Variants in REEP2 observed in about 807,000 individuals in gnomAD.
REEP2 encodes receptor expression-enhancing protein 2.
REEP2 carries 9 observed loss-of-function variants against 32.1 expected under a neutral mutation model. The observed-to-expected ratio is 0.28, with a 90% CI of 0.17 to 0.49. REEP2 has a LOEUF of 0.49. Ranked by LOEUF, REEP2 falls within the 20% of genes least tolerant of loss-of-function variation. The pLI, the probability that REEP2 is intolerant of heterozygous loss-of-function variation, is 0.99. For synonymous variants in REEP2, 128 were observed against 139.1 expected, an observed-to-expected ratio of 0.92 and a Z score of 0.56; for missense variants, 236 against 338.0, an observed-to-expected ratio of 0.70 and a Z score of 2.37.
chr5:138,441,242 C>T lies in REEP2; in HGVS notation c.106-143C>T, dbSNP rs2269947. ...GGAGGGCCCTGGGTGTCCCACACAG[C>T]GCCTCCAACATGGCTGGCAGGCAGA... On this transcript the variant is annotated intron_variant, in intron 2 of 7. Transcript: ENST00000378339. This position sits in a 1 kb window ranked among gnomAD's most constrained non-coding sequence, Gnocchi z 4.4. 477,912 of 1,256,162 alleles carry T rather than the reference C, an allele frequency of 0.38. 95,691 individuals carry two copies. The highest frequency in any genetic ancestry group is 0.55 in the South Asian group (43,687 of 79,746). The allele number at this position is 1,256,162 out of a possible 1,614,324, so 77.8% of individuals were successfully genotyped here.
intron 4 of REEP2, 93 bp from the exon 5 acceptor site, chr5:138,444,661 G>T: frequency 6.4e-7 from 1 of 1,559,180 alleles, no homozygotes; most frequent in Non-Finnish European, 8.8e-7. Flanking sequence ...CAGGGCTGCC[G>T]TGGCCTCCCG....
At chr5:138,440,529 C>T (rs188688285) in intron 1 of REEP2, among the ~76,000 whole-genome samples, 1 of 152,268 alleles carries the variant, frequency 6.6e-6, no homozygotes, top group East Asian at 1.9e-4. Context: ...GCCCTCTGTT[C>T]CCTAGGGCCC....
chr5:138,445,065 CA>C (rs1274789156), intron 5 of REEP2, 162 bp from the exon 6 acceptor site: 5 of 887,836 alleles, frequency 5.6e-6, no homozygotes. Context: ...TCCCCAGAGG[CA>C]AAGTGTGGCC....
chr5:138,445,864 C>A lies in REEP2; in HGVS notation c.*113C>A. 2.9e-6 allele frequency: 3 copies of A among 1,019,448 alleles called. No individual in the cohort carries two copies. The South Asian group carries it at 4.9e-5, about 17-fold the overall frequency. The allele number at this position is 1,019,448 out of a possible 1,614,324, so 63.2% of individuals were successfully genotyped here. The stretch of plus-strand genomic sequence containing the variant: ...CCTAGGTGTCTCAGGCCCCTGGGCC[C>A]CGCAGATGGCCATTTCCGGTGCCTG... On this transcript the variant is annotated 3_prime_UTR_variant, in exon 8 of 8. Transcript: ENST00000378339.
intron 1 of REEP2, 108 bp from the exon 2 acceptor site, chr5:138,440,908 G>A (rs929986767): frequency 7.0e-6 from 11 of 1,581,304 alleles, no homozygotes; most frequent in Non-Finnish European, 9.4e-6. Flanking sequence ...AGTCCAGCGG[G>A]GAGTTCTGTC....
chr5:138,442,267 G>C (rs1031735755), intron 3 of REEP2, among the ~76,000 whole-genome samples: 3 of 152,204 alleles, frequency 2.0e-5, no homozygotes, highest in Non-Finnish European at 4.4e-5. Context: ...ATACCTCTTG[G>C]AAGAGGGGAC....
chr5:138,443,480 A>AT (rs397999382), intron 3 of REEP2: 1 of 151,312 alleles, frequency 6.6e-6, no homozygotes, highest in Non-Finnish European at 1.5e-5. Context: ...AAAAAAAAAA[A>AT]GATGAGAGTA....
Position 138,442,234 on chromosome 5 carries a change from A to G in REEP2, c.182+773A>G, listed in dbSNP as rs555635144. On this transcript the variant is annotated intron_variant, in intron 3 of 7. Coordinates refer to ENST00000378339, the MANE Select transcript of REEP2 (RefSeq NM_001271803.2). The stretch of plus-strand genomic sequence containing the variant: ...ATCTGTATATTCACAGCAGGAACTC[A>G]AAAATGTTTACTGAATGATCAGATA... 5.3e-5 allele frequency among the ~76,000 whole-genome samples: 8 copies of G among 152,370 alleles called. No individual in the cohort carries two copies. The South Asian group carries it at 1.4e-3, about 28-fold the overall frequency.
Position 138,439,143 on chromosome 5 carries a change from T to C in REEP2, c.-66T>C. 9.1e-7 allele frequency: 1 copy of C among 1,102,416 alleles called. No homozygotes were observed. The highest frequency in any genetic ancestry group is 1.1e-6 in the Non-Finnish European group (1 of 874,654). The allele number at this position is 1,102,416 out of a possible 1,614,324, so 68.3% of individuals were successfully genotyped here. ...CTCCTGCTGCCGCCGCCGCCGCCGC[T>C]CGGCCTCAGGCAGCTGCATCCTCGG... is the stretch of plus-strand genomic sequence containing the variant. On this transcript the variant is annotated 5_prime_UTR_variant, in exon 1 of 8. Coordinates refer to ENST00000378339, the MANE Select transcript of REEP2 (RefSeq NM_001271803.2).
chr5:138,439,427 G>A (rs1285541046), intron 1 of REEP2, among the ~76,000 whole-genome samples, 187 bp downstream of exon 1: 1 of 152,156 alleles, frequency 6.6e-6, no homozygotes, highest in Non-Finnish European at 1.5e-5. Context: ...GGGGAGCGTG[G>A]CAGGCCTGGC....
chr5:138,439,098 G>GGCTGCT lies in REEP2; in HGVS notation c.-104_-99dup. The stretch of plus-strand genomic sequence containing the variant: ...CTGCCCCCGCGGCGGCTGCTGCAGC[G>GGCTGCT]GCTGCTGCTGCTACTGCGGCTCCTG... On this transcript the variant is annotated 5_prime_UTR_variant, in exon 1 of 8. Transcript: ENST00000378339. 2.2e-6 allele frequency: 1 copy of GGCTGCT among 456,954 alleles called. No individual in the cohort carries two copies. The highest frequency in any genetic ancestry group is 3.2e-6 in the Non-Finnish European group (1 of 315,496). 28.3% of individuals were successfully genotyped at this position (456,954 alleles called of 1,614,324 possible).
Position 138,441,075 on chromosome 5 carries a change from A to G in REEP2, c.92A>G (p.Asn31Ser), listed in dbSNP as rs999160017. Reference protein sequence around the residue: ...YSSYKAVKTKNVKEYVKWMMY... With the variant: ...YSSYKAVKTKSVKEYVKWMMY... ...TCCTACAAGGCCGTGAAGACAAAAA[A>G]CGTGAAGGAATATGTGAGTGGATGA... is the stretch of plus-strand genomic sequence containing the variant. Residue 31 changes from asparagine to serine, a missense_variant, in exon 2 of 8, where the codon AAC becomes AGC. Asn to Ser is a conservative substitution (Grantham distance 46, BLOSUM62 1). Coordinates refer to ENST00000378339, the MANE Select transcript of REEP2 (RefSeq NM_001271803.2). This position sits in a 1 kb window ranked among gnomAD's most constrained non-coding sequence, Gnocchi z 4.4. 2 of 1,613,770 alleles carry G rather than the reference A, an allele frequency of 1.2e-6. No individual in the cohort carries two copies. The highest frequency in any genetic ancestry group is 2.7e-5 in the African/African-American group (2 of 74,916).
rs1171102333 is a variant in REEP2 at position 138,445,236 on chromosome 5, G to A, written c.426G>A (p.Gly142=). Residue 142 remains glycine, a synonymous_variant, in exon 6 of 8, where the codon GGG becomes GGA. Transcript: ENST00000378339. ...CGTGGTGGTGACCCTAGGGCCAGGG[G>A]GTGCTGTCAGAGAAGCTCCGCAGCT... The part of the protein sequence containing the change: ...AAVTAAAKGQ[G]VLSEKLRSFS... 2.5e-6 allele frequency: 4 copies of A among 1,607,306 alleles called. No individual in the cohort carries two copies. Among genetic ancestry groups the A allele is most frequent in the Admixed American group, 3.4e-5 (2 of 59,128 alleles).
At chr5:138,443,213 A>C (rs527743037) in intron 3 of REEP2, among the ~76,000 whole-genome samples, 20 of 152,104 alleles carry the variant, frequency 1.3e-4, no homozygotes, top group African/African-American at 4.8e-4. Flanking sequence ...TAATCACAGC[A>C]CTTTGGGAGG....
In REEP2 at chr5:138,439,201, G is replaced by GCC; in HGVS notation, c.-5_-4dup. The GCC allele has an allele frequency of 7.3e-7, 1 of 1,366,848 alleles. No individual in the cohort carries two copies. Among genetic ancestry groups the GCC allele is most frequent in the Non-Finnish European group, 9.4e-7 (1 of 1,061,934 alleles). The allele number at this position is 1,366,848 out of a possible 1,614,324, so 84.7% of individuals were successfully genotyped here. ...GGGTCCCCGCCCCGCGCCGCGCCCGGCCCCGCCATGGTGTCCTGGATCATC... is the reference window on the plus strand; with the variant it reads ...GGGTCCCCGCCCCGCGCCGCGCCCGGCCCCCCGCCATGGTGTCCTGGATCATC... On this transcript the variant is annotated 5_prime_UTR_variant, in exon 1 of 8. Coordinates refer to ENST00000378339, the MANE Select transcript of REEP2 (RefSeq NM_001271803.2).
chr5:138,443,045 T>C (rs994101360), intron 3 of REEP2, among the ~76,000 whole-genome samples: 1 of 143,626 alleles, frequency 7.0e-6, no homozygotes, highest in African/African-American at 2.6e-5. Context: ...AAATTGAGGG[T>C]AAAGGCCGGG....
In REEP2 at chr5:138,445,338, C is replaced by T; in HGVS notation, c.528C>T (p.Pro176=). Residue 176 remains proline, a synonymous_variant, in exon 6 of 8, where the codon CCC becomes CCT. Transcript: ENST00000378339. ...PLQRPDGRLR[P]SPGSLLDTIE... ...AGAGGCCTGACGGCCGCCTCCGACC[C>T]AGCCCTGGCAGCCTCCTGGACACCA... The T allele has an allele frequency of 6.2e-7, 1 of 1,613,416 alleles. No individual in the cohort carries two copies. Among genetic ancestry groups the T allele is most frequent in the Non-Finnish European group, 8.5e-7 (1 of 1,179,756 alleles).
chr5:138,444,508 G>A lies in REEP2; in HGVS notation c.276G>A (p.Val92=). The A allele has an allele frequency of 6.2e-7, 1 of 1,614,066 alleles. No individual in the cohort carries two copies. The highest frequency in any genetic ancestry group is 8.5e-7 in the Non-Finnish European group (1 of 1,179,986). Residue 92 remains valine, a synonymous_variant, in exon 4 of 8, where the codon GTG becomes GTA. Coordinates refer to ENST00000378339, the MANE Select transcript of REEP2 (RefSeq NM_001271803.2). ...CCAGCGTGCTCTACCGCAAGTTCGT[G>A]CACCCAACGCTGTCCAACAAGGAGA... ...KGSSVLYRKF[V]HPTLSNKEKE...
chr5:138,445,815 C>T lies in REEP2; in HGVS notation c.*64C>T. Reference sequence around the variant, plus strand: ...CCTCAGGAGGGGCCTCAGACCCAGCCCCTGCTCCACACTGTGCCAGTAGCC... The same window carrying T: ...CCTCAGGAGGGGCCTCAGACCCAGCTCCTGCTCCACACTGTGCCAGTAGCC... On this transcript the variant is annotated 3_prime_UTR_variant, in exon 8 of 8. Coordinates refer to ENST00000378339, the MANE Select transcript of REEP2 (RefSeq NM_001271803.2). 5 of 1,493,956 alleles carry T rather than the reference C, an allele frequency of 3.3e-6. No individual in the cohort carries two copies. In the South Asian group the frequency reaches 6.1e-5, roughly 18 times the overall value. The allele number at this position is 1,493,956 out of a possible 1,614,324, so 92.5% of individuals were successfully genotyped here.
Sources: allele counts gnomAD v4.1 joint callset (sites outside exome capture counted in the v4.1 genomes callset), GRCh38; gene constraint gnomAD v4.1.1; non-coding constraint Gnocchi (gnomAD v3.1); transcripts MANE v1.5; gene names NCBI Gene and HGNC (gene_info 2026-07-23, HGNC 2026-07-21).